Variants in SGCD observed in about 807,000 individuals in gnomAD.
SGCD encodes sarcoglycan delta, also known as delta-sarcoglycan.
A neutral mutation model predicts 36.6 loss-of-function variants in SGCD; 18 were observed. The observed-to-expected ratio is 0.49, with a 90% CI of 0.34 to 0.73. The LOEUF is 0.73. SGCD is among the 30% of genes least tolerant of loss of function. The pLI is 0.01. For synonymous variants in SGCD, 133 were observed against 130.6 expected (o/e 1.02, Z -0.12); for missense variants, 387 against 346.7 (o/e 1.12, Z -0.92).
intron 7 of SGCD, among the ~76,000 whole-genome samples, chr5:156,735,557 G>C (rs879589984): frequency 2.6e-5 from 4 of 152,068 alleles, no homozygotes; most frequent in East Asian, 1.9e-4. Flanking sequence ...GTTGTGCTAG[G>C]GGGTATCCCT....
intron 4 of SGCD, 143 bp from the exon 5 acceptor site, chr5:156,589,088 T>G: frequency 1.7e-6 from 1 of 575,964 alleles, no homozygotes; most frequent in Non-Finnish European, 3.1e-6. Flanking sequence ...ATAGGGATCT[T>G]TAAACATTTG....
intron 1 of SGCD, among the ~76,000 whole-genome samples, chr5:156,076,974 T>C (rs1760803245): frequency 6.6e-6 from 1 of 152,314 alleles, no homozygotes; most frequent in East Asian, 1.9e-4. Context: ...CAATGTTTGT[T>C]TTACTGCTTT....
chr5:156,095,134 A>ACTAG (rs1218316522), intron 1 of SGCD, among the ~76,000 whole-genome samples: 1 of 152,166 alleles, frequency 6.6e-6, no homozygotes, highest in Non-Finnish European at 1.5e-5. Flanking sequence ...ACCTCCTGAT[A>ACTAG]CTAGACCCCT....
chr5:156,547,009 T>C (rs1758602238), intron 4 of SGCD, among the ~76,000 whole-genome samples: 1 of 152,216 alleles, frequency 6.6e-6, no homozygotes, highest in Admixed American at 6.5e-5. Context: ...GAAAATAATT[T>C]CCATCTGTAC....
intron 3 of SGCD, among the ~76,000 whole-genome samples, chr5:156,303,598 C>T (rs780819428): frequency 6.6e-6 from 1 of 151,462 alleles, no homozygotes; most frequent in Non-Finnish European, 1.5e-5. Context: ...CTGAAGCCAG[C>T]ATAGCCCTAG....
At chr5:156,304,756 G>A (rs1767158513) in intron 3 of SGCD, among the ~76,000 whole-genome samples, 2 of 152,170 alleles carry the variant, frequency 1.3e-5, no homozygotes, top group South Asian at 4.1e-4. Context: ...CTTGTTGAAT[G>A]GGTTTGACAA....
At chr5:156,309,632 G>A (rs1388543816) in intron 3 of SGCD, among the ~76,000 whole-genome samples, 3 of 133,282 alleles carry the variant, frequency 2.3e-5, no homozygotes, top group East Asian at 2.2e-4. Flanking sequence ...ACAGAGTCTC[G>A]CACTGTCGCC....
chr5:156,562,317 T>C (rs1056658213), intron 4 of SGCD, among the ~76,000 whole-genome samples: 6 of 152,108 alleles, frequency 3.9e-5, no homozygotes, highest in African/African-American at 1.4e-4. Flanking sequence ...GTGGTCATAA[T>C]GGGTCTCTTG....
rs141719851 is a variant in SGCD at position 155,991,583 on chromosome 5, G to A, written c.-282+121159G>A. ...TAAAAAGATTACAAGTTATGCTAATGGAGACAAGGAGCAATGTCTAGAAAG... is the reference window on the plus strand; with the variant it reads ...TAAAAAGATTACAAGTTATGCTAATAGAGACAAGGAGCAATGTCTAGAAAG... On this transcript the variant is annotated intron_variant, in intron 1 of 9. Transcript: ENST00000517913. Among the ~76,000 whole-genome samples, 447 of 152,276 alleles carry A rather than the reference G, an allele frequency of 2.9e-3. 2 individuals carry two copies. The highest frequency in any genetic ancestry group is 0.019 in the South Asian group (93 of 4,824).
chr5:155,833,026 C>T, the SGCD span, among the ~76,000 whole-genome samples: 4 of 134,614 alleles, frequency 3.0e-5, no homozygotes, highest in South Asian at 2.3e-4. Context: ...CGGTCAACAT[C>T]GTGAAACCCC....
intron 2 of SGCD, among the ~76,000 whole-genome samples, chr5:156,331,512 G>A (rs1163055390): frequency 6.6e-6 from 1 of 152,136 alleles, no homozygotes; most frequent in Admixed American, 6.5e-5. Flanking sequence ...ATAAAGCAAT[G>A]GCACCTATTA....
chr5:156,723,677 CAGG>C (rs1054266223), intron 7 of SGCD, among the ~76,000 whole-genome samples: 11 of 152,144 alleles, frequency 7.2e-5, no homozygotes, highest in Non-Finnish European at 1.5e-4. Context: ...TGAGGATGAG[CAGG>C]AGAAGGACTG....
At chr5:156,398,526 G>A (rs1268740619) in intron 3 of SGCD, among the ~76,000 whole-genome samples, 2 of 152,152 alleles carry the variant, frequency 1.3e-5, no homozygotes, top group Non-Finnish European at 2.9e-5. Context: ...GCATGGTAAA[G>A]CTGGCTATTC....
intron 6 of SGCD, among the ~76,000 whole-genome samples, chr5:156,623,180 T>C (rs1762322144): frequency 1.3e-5 from 2 of 152,182 alleles, no homozygotes; most frequent in South Asian, 2.1e-4. Flanking sequence ...TGTATGTACA[T>C]GAATCTCTTT....
chr5:156,691,225 A>AAAG, intron 7 of SGCD, among the ~76,000 whole-genome samples: 1 of 150,278 alleles, frequency 6.7e-6, no homozygotes, highest in South Asian at 2.1e-4. Flanking sequence ...AAAAAAAAAA[A>AAAG]AGAGAGAGAC....
the SGCD span, among the ~76,000 whole-genome samples, chr5:155,773,143 C>T: frequency 6.6e-6 from 1 of 152,118 alleles, no homozygotes; most frequent in Non-Finnish European, 1.5e-5. Flanking sequence ...GTGTGGAACT[C>T]CCTACCCTTG....
At chr5:156,475,205 A>C (rs1441210359) in intron 3 of SGCD, among the ~76,000 whole-genome samples, 1 of 152,008 alleles carries the variant, frequency 6.6e-6, no homozygotes, top group Non-Finnish European at 1.5e-5. Context: ...CAAGATACCC[A>C]TTCATTATTT....
At chr5:156,012,897 C>T (rs2127571202) in intron 1 of SGCD, among the ~76,000 whole-genome samples, 1 of 151,328 alleles carries the variant, frequency 6.6e-6, no homozygotes, top group East Asian at 1.9e-4. Context: ...TGAGCCACCG[C>T]GCCCAGCCCA....
At chr5:155,781,717 C>T in the SGCD span, among the ~76,000 whole-genome samples, 2 of 152,050 alleles carry the variant, frequency 1.3e-5, no homozygotes, top group Non-Finnish European at 2.9e-5. Context: ...GTGATCAGCC[C>T]ACCTCGGCCT....
Sources: allele counts gnomAD v4.1 joint callset (sites outside exome capture counted in the v4.1 genomes callset), GRCh38; gene constraint gnomAD v4.1.1; transcripts MANE v1.5; gene names NCBI Gene and HGNC (gene_info 2026-07-23, HGNC 2026-07-21).